EFHC1: variants seen among roughly 807,000 people sequenced by gnomAD.
EFHC1 encodes EF-hand domain containing 1, also known as EF-hand domain-containing protein 1.
EFHC1 carries 53 observed loss-of-function variants against 69.9 expected under a neutral mutation model. The observed-to-expected ratio is 0.76, with a 90% confidence interval of 0.61 to 0.95. The LOEUF is 0.95. Ranked by LOEUF, EFHC1 falls within the 40% of genes least tolerant of loss-of-function variation. EFHC1 has a pLI of 0.00. For synonymous variants in EFHC1, 256 were observed against 278.4 expected, an observed-to-expected ratio of 0.92 and a Z score of 0.80; for missense variants, 739 against 798.7, an observed-to-expected ratio of 0.93 and a Z score of 0.90.
In EFHC1 at chr6:52,492,711, C is replaced by T. The variant is rs986734047; in HGVS notation, c.*370C>T. The stretch of plus-strand genomic sequence containing the variant: ...TTCTATGAAGCCTCAGACTCCTGGG[C>T]TCAAGTGATCCTCCCACTTCAACCT... On this transcript the variant is annotated 3_prime_UTR_variant, in exon 11 of 11. Coordinates refer to ENST00000371068, the MANE Select transcript of EFHC1 (RefSeq NM_018100.4). 9.1e-6 allele frequency: 4 copies of T among 437,666 alleles called. No individual in the cohort carries two copies. The highest frequency in any genetic ancestry group is 8.1e-5 in the African/African-American group (4 of 49,386). 27.1% of individuals were successfully genotyped at this position (437,666 alleles called of 1,614,324 possible).
At chr6:52,442,619 A>G (rs1424644997) in intron 3 of EFHC1, among the ~76,000 whole-genome samples, 2 of 152,220 alleles carry the variant, frequency 1.3e-5, no homozygotes, top group African/African-American at 4.8e-5. Flanking sequence ...TACAAAGGAC[A>G]TGAGCTCATC....
chr6:52,470,997 G>A (rs1765423962), intron 7 of EFHC1, among the ~76,000 whole-genome samples: 1 of 152,212 alleles, frequency 6.6e-6, no homozygotes, highest in Non-Finnish European at 1.5e-5. Context: ...TGAGGTGTAT[G>A]TTTGTGTGTA....
chr6:52,425,694 G>A (rs1218202435), intron 2 of EFHC1, among the ~76,000 whole-genome samples: 1 of 152,028 alleles, frequency 6.6e-6, no homozygotes, highest in East Asian at 1.9e-4. Flanking sequence ...TAGATAATGG[G>A]GTAGAGAGAA....
chr6:52,438,364 A>G lies in EFHC1; in HGVS notation c.346A>G (p.Arg116Gly), dbSNP rs886061627. ...TCCTATGTCAACTGAGGAACAGTAT[A>G]GGATCCGTCAGGTGAACATTTACTA... Reference protein sequence around the residue: ...DVPMSTEEQYRIRQVNIYYYL... With the variant: ...DVPMSTEEQYGIRQVNIYYYL... Residue 116 changes from arginine to glycine, a missense_variant, in exon 3 of 11, where the codon AGG becomes GGG. By Grantham distance (125) the Arg-to-Gly change is moderately radical (BLOSUM62 -2). Transcript: ENST00000371068. 28 of 1,613,786 alleles carry G rather than the reference A, an allele frequency of 1.7e-5. No individual in the cohort carries two copies. Among genetic ancestry groups the G allele is most frequent in the Non-Finnish European group, 2.4e-5 (28 of 1,179,940 alleles).
At chr6:52,469,592 C>A in intron 7 of EFHC1, 119 bp downstream of exon 7, 1 of 1,417,062 alleles carries the variant, frequency 7.1e-7, no homozygotes, top group Non-Finnish European at 9.8e-7. Context: ...ACTCAACCAA[C>A]CATTGTATCT....
At chr6:52,459,264 C>T (rs1428947181) in intron 5 of EFHC1, among the ~76,000 whole-genome samples, 1 of 152,044 alleles carries the variant, frequency 6.6e-6, no homozygotes, top group Non-Finnish European at 1.5e-5. Flanking sequence ...TCAAAAGACA[C>T]TGTTAGGAAA....
At position 52,495,248 on chromosome 6, in the gene EFHC1, A is replaced by G. The variant is rs1223657357; in HGVS notation, c.*2907A>G. On this transcript the variant is annotated 3_prime_UTR_variant, in exon 11 of 11. Transcript: ENST00000371068. Reference sequence around the variant, plus strand: ...TTTCCTTTAGACTGTTTCAGGGGAGAACCAGGTACCCCAAATCTTATGCTC... The same window carrying G: ...TTTCCTTTAGACTGTTTCAGGGGAGGACCAGGTACCCCAAATCTTATGCTC... 11 of 453,930 alleles carry G rather than the reference A, an allele frequency of 2.4e-5. No homozygotes were observed. The highest frequency in any genetic ancestry group is 4.9e-5 in the Non-Finnish European group (11 of 226,788). 28.1% of individuals were successfully genotyped at this position (453,930 alleles called of 1,614,324 possible). A position where few individuals can be genotyped will look rare whatever the true frequency, so the allele number is the denominator to read the frequency against.
intron 5 of EFHC1, among the ~76,000 whole-genome samples, chr6:52,460,902 C>T (rs764584270): frequency 3.3e-5 from 5 of 151,860 alleles, no homozygotes; most frequent in Non-Finnish European, 5.9e-5. Flanking sequence ...TACAAAAAGT[C>T]GTGAATAAAG....
At chr6:52,427,324 T>G (rs1764322290) in intron 2 of EFHC1, among the ~76,000 whole-genome samples, 1 of 152,160 alleles carries the variant, frequency 6.6e-6, no homozygotes, top group Admixed American at 6.5e-5. Context: ...CTTGGGTCCT[T>G]TTTCTCACCT....
chr6:52,487,934 C>T (rs1010364017), intron 9 of EFHC1: 6 of 152,338 alleles, frequency 3.9e-5, no homozygotes, highest in African/African-American at 1.4e-4. Flanking sequence ...CTGACTTGGG[C>T]TTTGGCAATA....
chr6:52,442,722 T>A (rs1453499987), intron 3 of EFHC1, among the ~76,000 whole-genome samples: 1 of 152,166 alleles, frequency 6.6e-6, no homozygotes, highest in East Asian at 1.9e-4. Context: ...TGGTTCCAAG[T>A]CTTTGCTATT....
chr6:52,453,875 C>T (rs546713461), intron 4 of EFHC1: 2 of 1,386,032 alleles, frequency 1.4e-6, no homozygotes, highest in South Asian at 1.2e-5. Flanking sequence ...AACTTATAAT[C>T]CTATTATTTA....
At chr6:52,461,215 T>A (rs1765158656) in intron 5 of EFHC1, among the ~76,000 whole-genome samples, 1 of 152,162 alleles carries the variant, frequency 6.6e-6, no homozygotes, top group East Asian at 1.9e-4. Flanking sequence ...ATCTTCTCCC[T>A]CCTCCCACCC....
At chr6:52,430,609 C>T (rs746874296) in intron 2 of EFHC1, among the ~76,000 whole-genome samples, 1 of 152,088 alleles carries the variant, frequency 6.6e-6, no homozygotes, top group Non-Finnish European at 1.5e-5. Flanking sequence ...ATTCGGTTAG[C>T]TAGTATTTTG....
intron 2 of EFHC1, among the ~76,000 whole-genome samples, chr6:52,434,939 T>C (rs2113976079): frequency 6.6e-6 from 1 of 152,280 alleles, no homozygotes; most frequent in South Asian, 2.1e-4. Flanking sequence ...TATATATGTG[T>C]ATCTCCTTGC....
chr6:52,431,113 G>A lies in EFHC1; in HGVS notation c.285+6946G>A, dbSNP rs533101183. 2.6e-4 allele frequency among the ~76,000 whole-genome samples: 39 copies of A among 151,990 alleles called. No homozygotes were observed. The South Asian group carries it at 7.9e-3, about 31-fold the overall frequency. The stretch of plus-strand genomic sequence containing the variant: ...CTTTTCTTGGTTAATCTTGCTAATG[G>A]TCTATCAATTTTATGTAGCTTTTCA... On this transcript the variant is annotated intron_variant, in intron 2 of 10. Coordinates refer to ENST00000371068, the MANE Select transcript of EFHC1 (RefSeq NM_018100.4).
chr6:52,453,821 T>C (rs1451034927), intron 4 of EFHC1: 1 of 1,307,318 alleles, frequency 7.6e-7, no homozygotes, highest in African/African-American at 1.5e-5. Context: ...TCTCTTTCAC[T>C]GACTAATATT....
chr6:52,433,101 A>T (rs1764451060), intron 2 of EFHC1, among the ~76,000 whole-genome samples: 1 of 151,418 alleles, frequency 6.6e-6, no homozygotes, highest in Non-Finnish European at 1.5e-5. Flanking sequence ...TATCTTTTTT[A>T]TTTCCTTAAA....
chr6:52,475,541 AG>A (rs1279292185), intron 7 of EFHC1, among the ~76,000 whole-genome samples: 1 of 152,340 alleles, frequency 6.6e-6, no homozygotes, highest in East Asian at 1.9e-4. Flanking sequence ...TAATCTTCAA[AG>A]CAGCTGAATG....
Sources: gnomAD v4.1 joint callset for allele counts (sites outside exome capture counted in the v4.1 genomes callset) on GRCh38, gnomAD v4.1.1 for gene constraint, MANE v1.5 for transcripts, NCBI Gene and HGNC (gene_info 2026-07-23, HGNC 2026-07-21) for gene names.